Variants in ROBO2 observed in about 807,000 individuals in gnomAD.
The protein encoded by ROBO2 is roundabout guidance receptor 2.
ROBO2 carries 53 observed loss-of-function variants against 160.8 expected under a neutral mutation model. That is an observed-to-expected ratio of 0.33 (90% CI 0.26 to 0.41). The LOEUF (loss-of-function observed/expected upper bound fraction) is 0.41, where lower values mean the gene tolerates loss of function less well. Among genes scored for constraint, ROBO2 ranks in the 10% least tolerant of loss-of-function variants. The pLI is 1.00. For synonymous variants in ROBO2, 664 were observed against 611.7 expected, an observed-to-expected ratio of 1.09 and a Z score of -1.26; for missense variants, 1,577 against 1,722.4, an observed-to-expected ratio of 0.92 and a Z score of 1.49.
At chr3:76,812,379 C>T (rs1228108417) in intron 2 of ROBO2, among the ~76,000 whole-genome samples, 3 of 142,854 alleles carry the variant, frequency 2.1e-5, no homozygotes, top group Non-Finnish European at 4.5e-5. Context: ...TTGAAGTAGG[C>T]CATTTCATGC....
At chr3:76,513,760 G>A (rs548354820) in intron 2 of ROBO2, among the ~76,000 whole-genome samples, 2 of 152,240 alleles carry the variant, frequency 1.3e-5, no homozygotes, top group South Asian at 4.1e-4. Flanking sequence ...CCACTACCCA[G>A]TTTAAACAAC....
intron 2 of ROBO2, among the ~76,000 whole-genome samples, chr3:77,175,532 A>G (rs2150783238): frequency 6.6e-6 from 1 of 152,150 alleles, no homozygotes; most frequent in Admixed American, 6.6e-5. Context: ...CGTGTTAGCA[A>G]CAGTGGACAG....
intron 2 of ROBO2, among the ~76,000 whole-genome samples, chr3:76,790,476 T>A (rs2063287891): frequency 6.6e-6 from 1 of 151,686 alleles, no homozygotes; most frequent in South Asian, 2.1e-4. Flanking sequence ...GGATTTACTA[T>A]CTGACAAACT....
intron 2 of ROBO2, among the ~76,000 whole-genome samples, chr3:76,389,360 A>G (rs2077040412): frequency 6.6e-6 from 1 of 152,228 alleles, no homozygotes; most frequent in Non-Finnish European, 1.5e-5. Flanking sequence ...GCAAGAATAC[A>G]GACTATGTTA....
intron 2 of ROBO2, among the ~76,000 whole-genome samples, chr3:76,323,588 G>A (rs1220773519): frequency 6.6e-6 from 1 of 152,068 alleles, no homozygotes; most frequent in African/African-American, 2.4e-5. Context: ...GACAGGCTTA[G>A]GTGGCATGGA....
At chr3:76,139,508 T>G (rs1483691170) in intron 2 of ROBO2, among the ~76,000 whole-genome samples, 1 of 152,010 alleles carries the variant, frequency 6.6e-6, no homozygotes, top group Non-Finnish European at 1.5e-5. Context: ...TCTTTGTATC[T>G]TGAGCTTGCA....
At chr3:77,323,652 A>G (rs759492644) in intron 2 of ROBO2, among the ~76,000 whole-genome samples, 2 of 152,170 alleles carry the variant, frequency 1.3e-5, no homozygotes, top group Non-Finnish European at 2.9e-5. Flanking sequence ...TTTCTTAGAT[A>G]AATGGGCAAT....
At chr3:76,138,747 G>A (rs558320437) in intron 2 of ROBO2, among the ~76,000 whole-genome samples, 1 of 152,192 alleles carries the variant, frequency 6.6e-6, no homozygotes, top group African/African-American at 2.4e-5. Flanking sequence ...AACTTTGACA[G>A]CTCATCCTCC....
chr3:77,126,391 A>G (rs1016738203), intron 2 of ROBO2, among the ~76,000 whole-genome samples: 3 of 152,226 alleles, frequency 2.0e-5, no homozygotes, highest in Admixed American at 6.5e-5. Context: ...AAAATTCACA[A>G]ATCAGATTTA....
At chr3:76,082,729 A>T (rs2068875394) in intron 2 of ROBO2, among the ~76,000 whole-genome samples, 3 of 152,172 alleles carry the variant, frequency 2.0e-5, no homozygotes, top group Admixed American at 6.6e-5. Context: ...TCTTTAAAAA[A>T]ATCATTACAG....
At chr3:77,164,668 G>C in intron 2 of ROBO2, among the ~76,000 whole-genome samples, 1 of 117,604 alleles carries the variant, frequency 8.5e-6, no homozygotes, top group East Asian at 2.7e-4. Context: ...AGGTGGGGGG[G>C]TCAGCCCCCC....
chr3:76,139,975 C>T (rs1223325703), intron 2 of ROBO2, among the ~76,000 whole-genome samples: 1 of 152,028 alleles, frequency 6.6e-6, no homozygotes, highest in African/African-American at 2.4e-5. Context: ...TGCCATATAC[C>T]TGTCTTATCA....
intron 2 of ROBO2, among the ~76,000 whole-genome samples, chr3:76,394,513 C>T (rs969577726): frequency 1.3e-5 from 2 of 152,236 alleles, no homozygotes; most frequent in African/African-American, 2.4e-5. Context: ...ATGGGCATCC[C>T]TTTGTGGGTA....
chr3:77,097,938 ATC>A, intron 1 of ROBO2, 74 bp from the exon 2 acceptor site: 1 of 1,288,092 alleles, frequency 7.8e-7, no homozygotes, highest in Non-Finnish European at 1.0e-6. Flanking sequence ...TAATTTCCCC[ATC>A]AGGAACCCAA....
intron 2 of ROBO2, among the ~76,000 whole-genome samples, chr3:76,800,697 G>A (rs916135459): frequency 3.9e-5 from 6 of 152,128 alleles, no homozygotes; most frequent in Admixed American, 1.3e-4. Context: ...AGCTAAAAAG[G>A]CTTATATGCA....
intron 1 of ROBO2, among the ~76,000 whole-genome samples, chr3:77,097,046 A>G (rs748821265): frequency 1.4e-4 from 21 of 152,294 alleles, no homozygotes; most frequent in Non-Finnish European, 2.5e-4. Context: ...ACAGACAGTC[A>G]TGTCACTGCC....
chr3:77,568,221 G>A (rs2093543516), intron 12 of ROBO2, 92 bp from the exon 14 acceptor site: 7 of 1,463,336 alleles, frequency 4.8e-6, no homozygotes, highest in Non-Finnish European at 5.6e-6. Flanking sequence ...CCTGTAATTA[G>A]TTCTAAAGAC....
At chr3:77,631,044 G>A (rs2095151313) in intron 23 of ROBO2, 1 of 151,004 alleles carries the variant, frequency 6.6e-6, no homozygotes, top group Non-Finnish European at 1.5e-5. Flanking sequence ...TTGACTTGTG[G>A]TTATTAACCC....
In ROBO2 at chr3:76,652,749, G is replaced by A. The variant is rs574572015; in HGVS notation, c.110-445265G>A. On this transcript the variant is annotated intron_variant, in intron 2 of 26. Coordinates refer to the ROBO2 transcript ENST00000487694. The stretch of plus-strand genomic sequence containing the variant: ...CCTGGAAAATACAGCTGAAAGTCAT[G>A]GTTTTGGTGGAAAAAAAAAAGAGCT... Among the ~76,000 whole-genome samples, 4 of 151,806 alleles carry A rather than the reference G, an allele frequency of 2.6e-5. No individual in the cohort carries two copies. The South Asian group carries it at 8.3e-4, about 32-fold the overall frequency.
Sources: allele counts gnomAD v4.1 joint callset (sites outside exome capture counted in the v4.1 genomes callset), GRCh38; gene constraint gnomAD v4.1.1; transcripts MANE v1.5; gene names NCBI Gene and HGNC (gene_info 2026-07-23, HGNC 2026-07-21).